PCDHGB2: variants seen among roughly 807,000 people sequenced by gnomAD.
PCDHGB2 encodes protocadherin gamma subfamily B, 2.
Under a neutral mutation model 59.3 loss-of-function variants are expected in PCDHGB2, and 55 were observed. The ratio of observed to expected loss-of-function variants is 0.93; its 90% confidence interval spans 0.75 to 1.16. The LOEUF is 1.16. Among genes scored for constraint, PCDHGB2 ranks in the 50% most tolerant of loss-of-function variants. The pLI is 0.00. For missense variants in PCDHGB2, 1,228 were observed against 1,198.5 expected (o/e 1.02, Z -0.36); for synonymous variants, 516 against 512.0 (o/e 1.01, Z -0.11).
chr5:141,394,447 A>T, intron 1 of PCDHGB2: 1 of 1,614,248 alleles, frequency 6.2e-7, no homozygotes, highest in Non-Finnish European at 8.5e-7. Flanking sequence ...CTCAGCAGCA[A>T]CATGTCACTG....
At chr5:141,382,483 A>G (rs1778240323) in intron 1 of PCDHGB2, among the ~76,000 whole-genome samples, 1 of 152,250 alleles carries the variant, frequency 6.6e-6, no homozygotes, top group Non-Finnish European at 1.5e-5. Context: ...TAAGATTATC[A>G]AACACCGGTC....
At position 141,431,134 on chromosome 5, in the gene PCDHGB2, C is replaced by T; in HGVS notation, c.2422-63673C>T. 1 of 1,614,212 alleles carries T rather than the reference C, an allele frequency of 6.2e-7. No homozygotes were observed. The highest frequency in any genetic ancestry group is 2.2e-5 in the East Asian group (1 of 44,890). On this transcript the variant is annotated intron_variant, in intron 1 of 3. Coordinates refer to ENST00000522605, the MANE Select transcript of PCDHGB2 (RefSeq NM_018923.3). This position sits in a 1 kb window ranked among gnomAD's most constrained non-coding sequence, Gnocchi z 4.8. ...ATGGAGTAGAAGTAGAAGTAAGGGA[C>T]ATTAACGACAATGCGCCTTACTTTC...
At position 141,379,353 on chromosome 5, in the gene PCDHGB2, T is replaced by A. The variant is rs536207884; in HGVS notation, c.2421+16797T>A. The A allele has an allele frequency of 1.4e-4, 22 of 152,338 alleles. No individual in the cohort carries two copies. In the South Asian group the frequency reaches 4.6e-3, roughly 32 times the overall value. 9.4% of individuals were successfully genotyped at this position (152,338 alleles called of 1,614,324 possible). A position where few individuals can be genotyped will look rare whatever the true frequency, so the allele number is the denominator to read the frequency against. The stretch of plus-strand genomic sequence containing the variant: ...CATCTTCAAAGCTCATTTTCTTGTA[T>A]CTTTGTGATATAATTTGATAAAATA... On this transcript the variant is annotated intron_variant, in intron 1 of 3. Coordinates refer to ENST00000522605, the MANE Select transcript of PCDHGB2 (RefSeq NM_018923.3).
intron 1 of PCDHGB2, among the ~76,000 whole-genome samples, chr5:141,450,008 T>A (rs78952430): frequency 4.8e-4 from 18 of 37,340 alleles, no homozygotes; most frequent in African/African-American, 6.8e-4. Context: ...CCATGTCTCT[T>A]TTTTTTTTTT....
intron 1 of PCDHGB2, chr5:141,415,515 G>C: frequency 6.2e-7 from 1 of 1,614,152 alleles, no homozygotes; most frequent in Non-Finnish European, 8.5e-7. Flanking sequence ...CCAATTATGC[G>C]GACACGCTCA....
chr5:141,361,788 A>G lies in PCDHGB2; in HGVS notation c.1653A>G (p.Leu551=), dbSNP rs1860254. Residue 551 remains leucine, a synonymous_variant, in exon 1 of 4, where the codon TTA becomes TTG. Coordinates refer to ENST00000522605, the MANE Select transcript of PCDHGB2 (RefSeq NM_018923.3). The stretch of plus-strand genomic sequence containing the variant: ...GCGCCAACGTGAGCCTGCGCGTGTT[A>G]GTGGGCGACCTCAATGACAATGCGC... ...ALSANVSLRV[L]VGDLNDNAPR... 1.2e-4 allele frequency: 192 copies of G among 1,612,992 alleles called. No homozygotes were observed. The highest frequency in any genetic ancestry group is 7.1e-4 in the African/African-American group (53 of 75,056).
At chr5:141,371,418 G>T in intron 1 of PCDHGB2, 1 of 1,614,006 alleles carries the variant, frequency 6.2e-7, no homozygotes. Flanking sequence ...AGATGAAAAT[G>T]ACAATGCCCC....
intron 1 of PCDHGB2, among the ~76,000 whole-genome samples, chr5:141,438,637 C>G (rs11958903): frequency 3.2e-5 from 1 of 30,940 alleles, no homozygotes. Context: ...TATATATATA[C>G]ACACACACAC....
chr5:141,404,879 G>A (rs770577946), intron 1 of PCDHGB2: 4 of 1,613,906 alleles, frequency 2.5e-6, no homozygotes, highest in Middle Eastern at 1.6e-4. Flanking sequence ...ACAGAGCCTT[G>A]TGGTGGCTGT....
chr5:141,434,547 A>G (rs1277148299), intron 1 of PCDHGB2, among the ~76,000 whole-genome samples: 1 of 152,232 alleles, frequency 6.6e-6, no homozygotes, highest in East Asian at 1.9e-4. Context: ...AGCATGAGTG[A>G]TCTGTGCCTT....
Position 141,366,401 on chromosome 5 carries a change from C to T in PCDHGB2, c.2421+3845C>T, listed in dbSNP as rs770890042. On this transcript the variant is annotated intron_variant, in intron 1 of 3. Transcript: ENST00000522605. ...TGACCCTGAGGATCTGGACCTCACA[C>T]TCTATCTTGTGGTGGCAGTGGCTGC... The T allele has an allele frequency of 1.4e-5, 22 of 1,614,202 alleles. No individual in the cohort carries two copies. In the East Asian group the frequency reaches 4.5e-4, roughly 33 times the overall value.
rs2094321391 is a variant in PCDHGB2, at chr5:141,402,912, G to GCTTCATCA, written c.2421+40357_2421+40358insTTCATCAC. ...AAGAAAGAACCTGATGAAGCAGCGCGCACAGAGATCCTTTTGAGAAAATTC... is the reference window on the plus strand; with the variant it reads ...AAGAAAGAACCTGATGAAGCAGCGCGCTTCATCACACAGAGATCCTTTTGAGAAAATTC... On this transcript the variant is annotated intron_variant, in intron 1 of 3. Coordinates refer to ENST00000522605, the MANE Select transcript of PCDHGB2 (RefSeq NM_018923.3). 6 of 1,553,880 alleles carry GCTTCATCA rather than the reference G, an allele frequency of 3.9e-6. No individual in the cohort carries two copies. In the African/African-American group the frequency reaches 8.2e-5, roughly 21 times the overall value.
In PCDHGB2 at chr5:141,405,105, A is replaced by T. The variant is rs1239308721; in HGVS notation, c.2421+42549A>T. The T allele has an allele frequency of 5.6e-6, 9 of 1,613,756 alleles. No individual in the cohort carries two copies. In the Admixed American group the frequency reaches 1.5e-4, roughly 27 times the overall value. Reference sequence around the variant, plus strand: ...ACGCTGCTGGCCCTCAGGCTGAGGCACTGGCACTCCTCGCATCTGCTGCGG... The same window carrying T: ...ACGCTGCTGGCCCTCAGGCTGAGGCTCTGGCACTCCTCGCATCTGCTGCGG... On this transcript the variant is annotated intron_variant, in intron 1 of 3. Coordinates refer to ENST00000522605, the MANE Select transcript of PCDHGB2 (RefSeq NM_018923.3).
chr5:141,472,557 A>G (rs2099288029), intron 1 of PCDHGB2, among the ~76,000 whole-genome samples: 3 of 152,044 alleles, frequency 2.0e-5, no homozygotes, highest in Admixed American at 1.3e-4. Flanking sequence ...AAAAAATTAT[A>G]TTATAAATGC....
At chr5:141,459,829 G>A in intron 1 of PCDHGB2, among the ~76,000 whole-genome samples, 1 of 152,178 alleles carries the variant, frequency 6.6e-6, no homozygotes, top group East Asian at 1.9e-4. Flanking sequence ...AACTTTTCAT[G>A]TGTTGTCTAT....
At position 141,362,542 on chromosome 5, in the gene PCDHGB2, G is replaced by A; in HGVS notation, c.2407G>A (p.Asp803Asn). ...AGCCGCTGGGGTCCCTTTTGCCTCA[G>A]ATACTATTTTGAAGGTGAGCTTTAA... is the stretch of plus-strand genomic sequence containing the variant. ...HGAAGVPFAS[D>N]TILKQAPPNT... The change falls in exon 1 of 4, where the codon GAT (aspartate) becomes AAT (asparagine). Residue 803 changes from aspartate to asparagine, a missense_variant. Asp to Asn is a conservative substitution (Grantham distance 23). Around this residue, in one of 3 missense-constraint regions of PCDHGB2, gnomAD observed 433 missense variants for 441.8 expected, o/e 0.98. Transcript: ENST00000522605. 1 of 1,613,768 alleles carries A rather than the reference G, an allele frequency of 6.2e-7. No homozygotes were observed. The highest frequency in any genetic ancestry group is 8.5e-7 in the Non-Finnish European group (1 of 1,179,812).
At position 141,432,851 on chromosome 5, in the gene PCDHGB2, G is replaced by T. The variant is rs561153330; in HGVS notation, c.2422-61956G>T. 8 of 1,614,198 alleles carry T rather than the reference G, an allele frequency of 5.0e-6. No homozygotes were observed. In the African/African-American group the frequency reaches 9.3e-5, roughly 19 times the overall value. ...CACTCTGTACCTGGTGGTAGCGGTG[G>T]CCGCGGTCTCCTGCGTCTTCCTGGC... On this transcript the variant is annotated intron_variant, in intron 1 of 3. Transcript: ENST00000522605. This position sits in a 1 kb window ranked among gnomAD's most constrained non-coding sequence, Gnocchi z 6.0.
intron 1 of PCDHGB2, chr5:141,366,272 G>A (rs749693337): frequency 6.2e-7 from 1 of 1,613,608 alleles, no homozygotes. Context: ...GGCCGTCGAA[G>A]ACCATGGCCA....
intron 1 of PCDHGB2, among the ~76,000 whole-genome samples, chr5:141,465,984 T>C (rs11953841): frequency 0.18 from 27,399 of 151,848 alleles, 2,640 homozygotes; most frequent in Admixed American, 0.28. Context: ...TAGCCGGGCA[T>C]GGTGGCAGGC....
Sources: allele counts gnomAD v4.1 joint callset (sites outside exome capture counted in the v4.1 genomes callset), GRCh38; gene constraint gnomAD v4.1.1; regional missense constraint gnomAD v4.1.1; non-coding constraint Gnocchi (gnomAD v3.1); transcripts MANE v1.5; gene names NCBI Gene and HGNC (gene_info 2026-07-23, HGNC 2026-07-21).